MMP15: variants seen among roughly 807,000 people sequenced by gnomAD.
MMP15 encodes matrix metalloproteinase-15.
In MMP15, 36 loss-of-function variants were observed where a neutral mutation model predicts 65.0. The observed-to-expected ratio is 0.55, with a 90% confidence interval of 0.42 to 0.73. The LOEUF (loss-of-function observed/expected upper bound fraction) is 0.73. Among genes scored for constraint, MMP15 ranks in the 30% least tolerant of loss-of-function variants. MMP15 has a pLI of 0.00. For synonymous variants in MMP15, 428 were observed against 410.2 expected, an observed-to-expected ratio of 1.04 and a Z score of -0.52; for missense variants, 870 against 987.8, an observed-to-expected ratio of 0.88 and a Z score of 1.60.
chr16:58,040,717 G>C lies in MMP15; in HGVS notation c.910+19G>C. 3 of 1,613,730 alleles carry C rather than the reference G, an allele frequency of 1.9e-6. No homozygotes were observed. Among genetic ancestry groups the C allele is most frequent in the Non-Finnish European group, 2.5e-6 (3 of 1,180,048 alleles). On this transcript the variant is annotated intron_variant, in intron 5 of 9. Transcript: ENST00000219271. ...CTCTACGGTGCGTGGGCTGTGACCAGCGGGCTCTGCATGCCGCTCTCAAGT... is the reference window on the plus strand; with the variant it reads ...CTCTACGGTGCGTGGGCTGTGACCACCGGGCTCTGCATGCCGCTCTCAAGT...
chr16:58,041,751 A>C lies in MMP15; in HGVS notation c.1045A>C (p.Lys349Gln). 1 of 1,601,404 alleles carries C rather than the reference A, an allele frequency of 6.2e-7. No homozygotes were observed. Among genetic ancestry groups the C allele is most frequent in the Non-Finnish European group, 8.5e-7 (1 of 1,173,936 alleles). The change falls in exon 6 of 10, where the codon AAG becomes CAG. Residue 349 changes from lysine (K) to glutamine (Q), a missense_variant. Transcript: ENST00000219271. ...PPGGKPERPP[K>Q]PGPPVQPRAT... ...AGGTGGGAAGCCAGAGCGGCCCCCAAAGCCGGGCCCCCCAGTCCAGCCCCG... is the reference window on the plus strand; with the variant it reads ...AGGTGGGAAGCCAGAGCGGCCCCCACAGCCGGGCCCCCCAGTCCAGCCCCG...
Position 58,043,270 on chromosome 16 carries a change from C to A in MMP15, c.1364C>A (p.Thr455Asn), listed in dbSNP as rs762029147. The A allele has an allele frequency of 6.2e-7, 1 of 1,602,168 alleles. No individual in the cohort carries two copies. The highest frequency in any genetic ancestry group is 8.5e-7 in the Non-Finnish European group (1 of 1,173,732). The change falls in exon 8 of 10, where the codon ACC (threonine) becomes AAC (asparagine). Residue 455 changes from threonine (T) to asparagine (N), a missense_variant. Thr to Asn is a moderately conservative substitution (Grantham distance 65). Coordinates refer to ENST00000219271, the MANE Select transcript of MMP15 (RefSeq NM_002428.4). Reference protein sequence around the residue: ...NLEPGYPQPLTSYGLGIPYDR... With the variant: ...NLEPGYPQPLNSYGLGIPYDR... ...GAGCCCGGCTACCCACAGCCGCTGA[C>A]CAGCTATGGCCTGGGCATCCCCTAT...
chr16:58,043,841 C>T (rs1597067347), intron 9 of MMP15, among the ~76,000 whole-genome samples: 1 of 152,198 alleles, frequency 6.6e-6, no homozygotes, highest in Non-Finnish European at 1.5e-5. Flanking sequence ...AACTAATAAA[C>T]CAGAGAGCTT....
chr16:58,027,025 C>G (rs1333153476), intron 1 of MMP15, among the ~76,000 whole-genome samples: 1 of 152,228 alleles, frequency 6.6e-6, no homozygotes, highest in East Asian at 1.9e-4. Context: ...CCGCGCACGG[C>G]GGGCCAGGAT....
At position 58,039,561 on chromosome 16, in the gene MMP15, T is replaced by C. The variant is rs558541348; in HGVS notation, c.441-314T>C. 1.5e-3 allele frequency among the ~76,000 whole-genome samples: 236 copies of C among 152,342 alleles called. 1 individual carries two copies. Among genetic ancestry groups the C allele is most frequent in the Non-Finnish European group, 2.7e-3 (181 of 68,022 alleles). ...GCTCAACATTGAGAACTGCTCAGCC[T>C]GTTTCCCAAACCTCACTCATTTGCA... On this transcript the variant is annotated intron_variant, in intron 3 of 9. Coordinates refer to ENST00000219271, the MANE Select transcript of MMP15 (RefSeq NM_002428.4).
intron 1 of MMP15, among the ~76,000 whole-genome samples, chr16:58,031,547 C>A (rs757556899): frequency 3.3e-5 from 5 of 152,288 alleles, no homozygotes; most frequent in Admixed American, 1.3e-4. Context: ...GGCCTCTTCA[C>A]CCCGCGCGCT....
At chr16:58,040,808 G>T (rs1597065878) in intron 5 of MMP15, 110 bp downstream of exon 5, 1 of 1,446,382 alleles carries the variant, frequency 6.9e-7, no homozygotes, top group African/African-American at 1.4e-5. Context: ...CCAAGGCTCA[G>T]TGAGGATTAG....
chr16:58,042,458 T>C (rs1419657653), intron 7 of MMP15, 89 bp downstream of exon 7: 1 of 1,525,606 alleles, frequency 6.6e-7, no homozygotes, highest in Non-Finnish European at 8.9e-7. Flanking sequence ...GGTGAAGGGT[T>C]GCATTGCATG....
In MMP15 at chr16:58,033,222, C is replaced by T. The variant is rs73546987; in HGVS notation, c.163-4250C>T. 4.8e-3 allele frequency among the ~76,000 whole-genome samples: 724 copies of T among 152,312 alleles called. 8 individuals are homozygous for T. The highest frequency in any genetic ancestry group is 0.016 in the African/African-American group (681 of 41,556). On this transcript the variant is annotated intron_variant, in intron 1 of 9. Transcript: ENST00000219271. ...GTGGGGAGGATTAGGCACCCTTCCCCGTGCTGTGCTGGGCACTGCTCCTGA... is the reference window on the plus strand; with the variant it reads ...GTGGGGAGGATTAGGCACCCTTCCCTGTGCTGTGCTGGGCACTGCTCCTGA...
rs1183199752 is a variant in MMP15, at chr16:58,045,109, G to A, written c.1673G>A (p.Gly558Asp). Residue 558 changes from glycine (G) to aspartate (D), a missense_variant, in exon 10 of 10, where the codon GGC (glycine) becomes GAC (aspartate). Physicochemically the swap from Gly to Asp is moderately conservative, Grantham distance 94. Coordinates refer to ENST00000219271, the MANE Select transcript of MMP15 (RefSeq NM_002428.4). Reference protein sequence around the residue: ...YPKSILRDFMGCQEHVEPGPR... With the variant: ...YPKSILRDFMDCQEHVEPGPR... ...AAGTCCATCCTGCGGGACTTCATGG[G>A]CTGCCAGGAGCACGTGGAGCCAGGC... is the stretch of plus-strand genomic sequence containing the variant. The A allele has an allele frequency of 6.2e-7, 1 of 1,609,534 alleles. No homozygotes were observed.
Position 58,034,720 on chromosome 16 carries a change from G to A in MMP15, c.163-2752G>A, listed in dbSNP as rs541460150. Among the ~76,000 whole-genome samples, 327 of 152,290 alleles carry A rather than the reference G, an allele frequency of 2.1e-3. 2 individuals are homozygous for A. The highest frequency in any genetic ancestry group is 7.5e-3 in the African/African-American group (311 of 41,550). Reference sequence around the variant, plus strand: ...TCACCCCAGGTGGCTGAGGGTTCAAGCTTGGCTGATAGCGAGATGGAAGCT... The same window carrying A: ...TCACCCCAGGTGGCTGAGGGTTCAAACTTGGCTGATAGCGAGATGGAAGCT... On this transcript the variant is annotated intron_variant, in intron 1 of 9. Coordinates refer to ENST00000219271, the MANE Select transcript of MMP15 (RefSeq NM_002428.4).
intron 1 of MMP15, among the ~76,000 whole-genome samples, chr16:58,030,297 A>G (rs927448556): frequency 2.0e-5 from 3 of 152,138 alleles, no homozygotes; most frequent in Admixed American, 1.3e-4. Flanking sequence ...CAGACCTGAG[A>G]CACAGTAGGC....
chr16:58,043,256 C>T lies in MMP15; in HGVS notation c.1350C>T (p.Tyr450=). 1.2e-6 allele frequency: 2 copies of T among 1,602,152 alleles called. No individual in the cohort carries two copies. The highest frequency in any genetic ancestry group is 2.7e-5 in the African/African-American group (2 of 74,820). Residue 450 remains tyrosine (Y), a synonymous_variant, in exon 8 of 10, where the codon TAC becomes TAT. Transcript: ENST00000219271. ...GAGAAGCGAACCTGGAGCCCGGCTA[C>T]CCACAGCCGCTGACCAGCTATGGCC... ...LFREANLEPG[Y]PQPLTSYGLG... is the part of the protein sequence containing the mutation.
chr16:58,045,001 C>T lies in MMP15; in HGVS notation c.1571-6C>T, dbSNP rs377340765. 1 of 1,613,296 alleles carries T rather than the reference C, an allele frequency of 6.2e-7. No homozygotes were observed. Among genetic ancestry groups the T allele is most frequent in the Non-Finnish European group, 8.5e-7 (1 of 1,179,938 alleles). On this transcript the variant is annotated splice_polypyrimidine_tract_variant and splice_region_variant and intron_variant, in intron 9 of 9. Transcript: ENST00000219271. ...TGAAGCCACTCTGGCCTCCTTGCCCCTGCAGCCTACACCTACTTCTACAAG... is the reference window on the plus strand; with the variant it reads ...TGAAGCCACTCTGGCCTCCTTGCCCTTGCAGCCTACACCTACTTCTACAAG...
At position 58,041,675 on chromosome 16, in the gene MMP15, G is replaced by T. The variant is rs150497862; in HGVS notation, c.969G>T (p.Arg323=). Residue 323 remains arginine (R), a synonymous_variant, in exon 6 of 10, where the codon CGG becomes CGT. Transcript: ENST00000219271. Reference sequence around the variant, plus strand: ...CTCTCCCCACTGTGACGCCACGGCGGCCAGGCCGGCCTGACCACCGGCCGC... The same window carrying T: ...CTCTCCCCACTGTGACGCCACGGCGTCCAGGCCGGCCTGACCACCGGCCGC... ...TQPLPTVTPR[R]PGRPDHRPPR... 3 of 1,578,384 alleles carry T rather than the reference G, an allele frequency of 1.9e-6. No homozygotes were observed. In the African/African-American group the frequency reaches 4.1e-5, roughly 21 times the overall value.
At chr16:58,040,258 T>G in intron 4 of MMP15, 76 bp downstream of exon 4, 1 of 1,462,466 alleles carries the variant, frequency 6.8e-7, no homozygotes, top group East Asian at 2.3e-5. Context: ...CTGAGTGGGT[T>G]CAGCAGCCGC....
At position 58,046,713 on chromosome 16, in the gene MMP15, G is replaced by A. The variant is rs994500436; in HGVS notation, c.*1267G>A. On this transcript the variant is annotated 3_prime_UTR_variant, in exon 10 of 10. Transcript: ENST00000219271. ...CACCCAGGATCCCCAAGGCACTTGA[G>A]GGGGAAGGATTCTGCTGGCCTCTGC... 1 of 152,788 alleles carries A rather than the reference G, an allele frequency of 6.5e-6. No individual in the cohort carries two copies. Among genetic ancestry groups the A allele is most frequent in the Non-Finnish European group, 1.5e-5 (1 of 68,152 alleles). 9.5% of individuals were successfully genotyped at this position (152,788 alleles called of 1,614,324 possible). A position where few individuals can be genotyped will look rare whatever the true frequency, so the allele number is the denominator to read the frequency against.
At chr16:58,039,615 A>T (rs748569858) in intron 3 of MMP15, among the ~76,000 whole-genome samples, 1 of 152,224 alleles carries the variant, frequency 6.6e-6, no homozygotes, top group Non-Finnish European at 1.5e-5. Flanking sequence ...TCCCCCAGCC[A>T]CATAGCACCT....
chr16:58,026,851 C>T (rs1209240507), intron 1 of MMP15, among the ~76,000 whole-genome samples: 2 of 152,240 alleles, frequency 1.3e-5, no homozygotes, highest in Non-Finnish European at 2.9e-5. Context: ...CTCCTTCCTT[C>T]CCTCCAGGGC....
Sources: allele counts gnomAD v4.1 joint callset (sites outside exome capture counted in the v4.1 genomes callset), GRCh38; gene constraint gnomAD v4.1.1; transcripts MANE v1.5; gene names NCBI Gene and HGNC (gene_info 2026-07-23, HGNC 2026-07-21).